ACAP3: variants seen among roughly 807,000 people sequenced by gnomAD.
The protein encoded by ACAP3 is arf-GAP with coiled-coil, ANK repeat and PH domain-containing protein 3.
In ACAP3, 56 loss-of-function variants were observed where a neutral mutation model predicts 104.1. That is an observed-to-expected ratio of 0.54 (90% CI 0.43 to 0.67). The LOEUF is 0.67. Ranked by LOEUF, ACAP3 falls within the 30% of genes least tolerant of loss-of-function variation. The pLI is 0.00. For synonymous variants in ACAP3, 628 were observed against 496.2 expected (o/e 1.27, Z -3.53); for missense variants, 1,208 against 1,174.9 (o/e 1.03, Z -0.41).
chr1:1,300,405 G>A, intron 6 of ACAP3, 104 bp downstream of exon 6: 2 of 1,346,372 alleles, frequency 1.5e-6, no homozygotes, highest in Non-Finnish European at 2.0e-6. Context: ...GGCAAAGCAA[G>A]AATCGTCACT....
In ACAP3 at chr1:1,307,100, C is replaced by T. The variant is rs2100501758; in HGVS notation, c.47+669G>A. ...GGGATGCAGAGAGGTTTCTTTGCCT[C>T]CATTGTCGTTTGCCAAATGTCCACC... On this transcript the variant is annotated intron_variant, in intron 1 of 23. Transcript: ENST00000354700. The T allele has an allele frequency of 4.6e-6, 5 of 1,082,928 alleles. 1 individual carries two copies. The highest frequency in any genetic ancestry group is 4.7e-4 in the Middle Eastern group (2 of 4,300). The allele number at this position is 1,082,928 out of a possible 1,614,324, so 67.1% of individuals were successfully genotyped here. A position where few individuals can be genotyped will look rare whatever the true frequency, so the allele number is the denominator to read the frequency against.
At chr1:1,307,466 C>A in intron 1 of ACAP3, 1 of 1,291,458 alleles carries the variant, frequency 7.7e-7, no homozygotes, top group Non-Finnish European at 1.0e-6. Context: ...ACTGCAGGGC[C>A]CGGGAGGGGC....
In ACAP3 at chr1:1,297,944, T is replaced by C. The variant is rs755437023; in HGVS notation, c.1017-11A>G. ...TGCAGCATGCAGCTCCTGCAGGCAG[T>C]GGAGGGGCGGGCGTCAGCTCCGGTG... On this transcript the variant is annotated splice_polypyrimidine_tract_variant and intron_variant, in intron 13 of 23. Transcript: ENST00000354700. The C allele has an allele frequency of 6.2e-6, 10 of 1,611,316 alleles. No individual in the cohort carries two copies. Among genetic ancestry groups the C allele is most frequent in the Non-Finnish European group, 7.6e-6 (9 of 1,179,228 alleles).
intron 10 of ACAP3, 24 bp downstream of exon 10, chr1:1,299,321 C>T (rs756948583): frequency 1.3e-5 from 20 of 1,594,904 alleles, no homozygotes; most frequent in South Asian, 6.8e-5. Context: ...ACCCACAGCC[C>T]GCCCAGGGCC....
At chr1:1,295,694 A>G (rs776964222) in intron 18 of ACAP3, 42 bp downstream of exon 18, 3 of 1,570,594 alleles carry the variant, frequency 1.9e-6, no homozygotes, top group African/African-American at 1.4e-5. Flanking sequence ...ATCCCCGACC[A>G]AGGCAAGCCC....
chr1:1,295,327 G>A (rs891803680), intron 19 of ACAP3, 120 bp downstream of exon 19: 6 of 875,818 alleles, frequency 6.9e-6, no homozygotes, highest in Non-Finnish European at 1.1e-5. Context: ...TGGCCAGGAG[G>A]CCCCCCGCCC....
chr1:1,296,189 C>A, intron 16 of ACAP3, 22 bp downstream of exon 16: 6 of 1,590,114 alleles, frequency 3.8e-6, no homozygotes, highest in African/African-American at 1.3e-5. Flanking sequence ...GGTCCCGTGG[C>A]CTCCAGGAGC....
rs1641141134 is a variant in ACAP3, at chr1:1,296,219, G to C, written c.1399C>G (p.Leu467Val). Reference sequence around the variant, plus strand: ...AGGAGCCCCACACGCACCTTTAGCAGCTCAGGCTCCCACGAGTCCAGCGTC... The same window carrying C: ...AGGAGCCCCACACGCACCTTTAGCACCTCAGGCTCCCACGAGTCCAGCGTC... Reference protein sequence around the residue: ...SLTLDSWEPELLKLMCELGNS... With the variant: ...SLTLDSWEPEVLKLMCELGNS... Residue 467 changes from leucine to valine, a missense_variant, in exon 16 of 24, where the codon CTG (leucine) becomes GTG (valine). Coordinates refer to ENST00000354700, the MANE Select transcript of ACAP3 (RefSeq NM_030649.3). The C allele has an allele frequency of 6.4e-7, 1 of 1,573,208 alleles. No homozygotes were observed. The highest frequency in any genetic ancestry group is 1.1e-5 in the South Asian group (1 of 87,122).
chr1:1,306,119 A>G (rs561454753), intron 1 of ACAP3, among the ~76,000 whole-genome samples: 54 of 152,252 alleles, frequency 3.5e-4, no homozygotes, highest in Non-Finnish European at 5.0e-4. Context: ...TCCATGCCCC[A>G]CAGGGGTGAG....
intron 9 of ACAP3, 22 bp from the exon 10 acceptor site, chr1:1,299,378 G>A (rs1215568478): frequency 1.9e-6 from 3 of 1,540,270 alleles, no homozygotes; most frequent in Non-Finnish European, 8.8e-7. Context: ...GAGCAGGAGG[G>A]GGTAGGGGGA....
At position 1,294,700 on chromosome 1, in the gene ACAP3, G is replaced by A; in HGVS notation, c.1912+18C>T. 1.3e-6 allele frequency: 2 copies of A among 1,548,952 alleles called. No homozygotes were observed. Among genetic ancestry groups the A allele is most frequent in the East Asian group, 4.9e-5 (2 of 40,874 alleles). On this transcript the variant is annotated intron_variant, in intron 20 of 23. Coordinates refer to ENST00000354700, the MANE Select transcript of ACAP3 (RefSeq NM_030649.3). ...GGGGCTGGGCAGGGGCCTCGGGCGAGGGCAAGACGCCACCCACCCTCCTCA... is the reference window on the plus strand; with the variant it reads ...GGGGCTGGGCAGGGGCCTCGGGCGAAGGCAAGACGCCACCCACCCTCCTCA...
chr1:1,302,896 A>G, intron 4 of ACAP3, 26 bp downstream of exon 4: 1 of 1,586,396 alleles, frequency 6.3e-7, no homozygotes, highest in Non-Finnish European at 8.6e-7. Context: ...GGCACAGCCC[A>G]CAGGTGGCAG....
At chr1:1,296,166 C>T (rs746921654) in intron 16 of ACAP3, 45 bp downstream of exon 16, 2 of 1,604,380 alleles carry the variant, frequency 1.2e-6, no homozygotes, top group South Asian at 1.1e-5. Flanking sequence ...CCAGCTCCCG[C>T]CCCCACAAAC....
rs771896341 is a variant in ACAP3, at chr1:1,295,547, G to A, written c.1713C>T (p.Thr571=). Residue 571 remains threonine (T), a synonymous_variant, in exon 19 of 24, where the codon ACC becomes ACT. Coordinates refer to ENST00000354700, the MANE Select transcript of ACAP3 (RefSeq NM_030649.3). ...AGTCTCGGCGGAACTTACGATCCAG[G>A]GTGCCCACTGCAGGGGCAGTGCGTG... The part of the protein sequence containing the change: ...PCVAALSSVG[T]LDRKFRRDSL... The A allele has an allele frequency of 4.3e-6, 7 of 1,612,392 alleles. No individual in the cohort carries two copies. The African/African-American group carries it at 6.7e-5, about 15-fold the overall frequency.
At position 1,293,538 on chromosome 1, in the gene ACAP3, G is replaced by A. The variant is rs1640935617; in HGVS notation, c.*26C>T. The A allele has an allele frequency of 6.9e-7, 1 of 1,445,270 alleles. No individual in the cohort carries two copies. Among genetic ancestry groups the A allele is most frequent in the Non-Finnish European group, 9.0e-7 (1 of 1,106,686 alleles). The allele number at this position is 1,445,270 out of a possible 1,614,324, so 89.5% of individuals were successfully genotyped here. On this transcript the variant is annotated 3_prime_UTR_variant, in exon 24 of 24. Transcript: ENST00000354700. ...CATGCGGGGCGTCGGGCCGGGCGGG[G>A]TGGCAGCTGCCCGGCCTGCCCGGCC...
At chr1:1,301,966 C>T (rs374572036) in intron 5 of ACAP3, 22 bp downstream of exon 5, 3 of 1,548,040 alleles carry the variant, frequency 1.9e-6, no homozygotes, top group Non-Finnish European at 2.6e-6. Flanking sequence ...GTGTTCTTCC[C>T]CCAGCCCTGG....
chr1:1,299,671 C>T (rs1267653760), intron 9 of ACAP3, 160 bp downstream of exon 9: 1 of 900,260 alleles, frequency 1.1e-6, no homozygotes. Flanking sequence ...CTCCACTGCA[C>T]ACATCAAAGG....
intron 9 of ACAP3, 146 bp from the exon 10 acceptor site, chr1:1,299,502 T>C: frequency 9.9e-7 from 1 of 1,014,360 alleles, no homozygotes; most frequent in Middle Eastern, 3.3e-4. Flanking sequence ...TATCCCAAAA[T>C]AGCCACTCCT....
At chr1:1,298,136 C>T (rs1278118630) in intron 12 of ACAP3, 23 bp from the exon 13 acceptor site, 2 of 1,590,218 alleles carry the variant, frequency 1.3e-6, no homozygotes, top group Non-Finnish European at 1.7e-6. Flanking sequence ...CCGCTGTGGC[C>T]CCTGCCCTCA....
Sources: allele counts gnomAD v4.1 joint callset (sites outside exome capture counted in the v4.1 genomes callset), GRCh38; gene constraint gnomAD v4.1.1; transcripts MANE v1.5; gene names NCBI Gene and HGNC (gene_info 2026-07-23, HGNC 2026-07-21).